Variants in BABAM2 observed in about 807,000 individuals in gnomAD.
The protein encoded by BABAM2 is BRISC and BRCA1-A complex member 2.
BABAM2 carries 31 observed loss-of-function variants against 54.7 expected under a neutral mutation model. The observed-to-expected ratio is 0.57, with a 90% CI of 0.43 to 0.77. BABAM2 has a LOEUF of 0.77. Among genes scored for constraint, BABAM2 ranks in the 30% least tolerant of loss-of-function variants. The pLI is 0.00. For synonymous variants in BABAM2, 167 were observed against 162.9 expected (o/e 1.03, Z -0.19); for missense variants, 364 against 455.8 (o/e 0.80, Z 1.83).
intron 3 of BABAM2, among the ~76,000 whole-genome samples, chr2:27,982,882 C>CATAT (rs1553405558): frequency 2.1e-5 from 3 of 146,328 alleles, no homozygotes; most frequent in African/African-American, 7.4e-5. Flanking sequence ...CACACACACA[C>CATAT]ATATATGTCA....
chr2:28,117,657 C>A (rs1489089887), intron 6 of BABAM2, among the ~76,000 whole-genome samples: 1 of 152,188 alleles, frequency 6.6e-6, no homozygotes, highest in African/African-American at 2.4e-5. Context: ...ACCATTTCTT[C>A]TGCATCTGCA....
At chr2:28,268,098 C>A (rs1369005159) in intron 10 of BABAM2, among the ~76,000 whole-genome samples, 1 of 152,084 alleles carries the variant, frequency 6.6e-6, no homozygotes, top group Non-Finnish European at 1.5e-5. Flanking sequence ...ATAAAGAGCT[C>A]AAAAACAAGC....
rs190806026 is a variant in BABAM2 at position 28,297,631 on chromosome 2, C to T, written c.935-707C>T. ...ACTATCACAGCAAACATATTTAGTGCTCAGAGTAGTACCTTATGCGTTCCA... is the reference window on the plus strand; with the variant it reads ...ACTATCACAGCAAACATATTTAGTGTTCAGAGTAGTACCTTATGCGTTCCA... On this transcript the variant is annotated intron_variant, in intron 10 of 11. Coordinates refer to ENST00000379624, the MANE Select transcript of BABAM2 (RefSeq NM_199191.3). Among the ~76,000 whole-genome samples, 6 of 152,284 alleles carry T rather than the reference C, an allele frequency of 3.9e-5. No homozygotes were observed. In the South Asian group the frequency reaches 6.2e-4, roughly 16 times the overall value.
intron 4 of BABAM2, among the ~76,000 whole-genome samples, chr2:28,011,232 G>A (rs928768055): frequency 3.3e-5 from 5 of 152,172 alleles, no homozygotes; most frequent in Admixed American, 1.3e-4. Context: ...ATATGGATCT[G>A]GGGATAAGAG....
intron 7 of BABAM2, among the ~76,000 whole-genome samples, chr2:28,229,581 C>T (rs538159384): frequency 1.4e-5 from 1 of 72,786 alleles, no homozygotes; most frequent in African/African-American, 4.6e-5. Flanking sequence ...AGTATGCCTT[C>T]TTTTTTTCTT....
intron 6 of BABAM2, among the ~76,000 whole-genome samples, chr2:28,068,721 C>T (rs1663848902): frequency 6.6e-6 from 1 of 152,080 alleles, no homozygotes; most frequent in African/African-American, 2.4e-5. Context: ...CTAAGAAAAC[C>T]TGCCAATGAA....
chr2:27,999,135 T>C (rs1452831614), intron 4 of BABAM2, among the ~76,000 whole-genome samples: 1 of 152,190 alleles, frequency 6.6e-6, no homozygotes, highest in East Asian at 1.9e-4. Flanking sequence ...TACTTGTCTT[T>C]AGTTTTCCTA....
rs922732999 is a variant in BABAM2 at position 28,338,502 on chromosome 2, G to A, written c.1141G>A (p.Gly381Arg). The A allele has an allele frequency of 6.8e-6, 11 of 1,614,132 alleles. No individual in the cohort carries two copies. Among genetic ancestry groups the A allele is most frequent in the Admixed American group, 1.7e-5 (1 of 60,028 alleles). The change falls in exon 12 of 12, where the codon GGA becomes AGA. Residue 381 changes from glycine (G) to arginine (R), a missense_variant. Coordinates refer to ENST00000379624, the MANE Select transcript of BABAM2 (RefSeq NM_199191.3). ...GTTCCAGGAGGCAGCATTTGCCAAT[G>A]GAAAGCTCTAGGAAACACCAGTCTT... Reference protein sequence around the residue: ...PQFQEAAFANGKL With the variant: ...PQFQEAAFANRKL
chr2:28,041,300 G>A (rs1677086473), intron 5 of BABAM2, among the ~76,000 whole-genome samples: 1 of 152,084 alleles, frequency 6.6e-6, no homozygotes, highest in Non-Finnish European at 1.5e-5. Flanking sequence ...AGGCAGAAAT[G>A]GTTATTTATT....
chr2:27,906,282 T>C (rs1464686159), intron 2 of BABAM2, among the ~76,000 whole-genome samples: 1 of 152,176 alleles, frequency 6.6e-6, no homozygotes. Context: ...TCAGGAAGTA[T>C]TCCTTGGGAT....
At chr2:27,953,277 C>A (rs533895044) in intron 3 of BABAM2, among the ~76,000 whole-genome samples, 8 of 152,214 alleles carry the variant, frequency 5.3e-5, no homozygotes, top group African/African-American at 1.9e-4. Flanking sequence ...AACTCCTGGG[C>A]TCAAGCAGAT....
At chr2:27,908,659 A>T (rs926608038) in intron 2 of BABAM2, among the ~76,000 whole-genome samples, 1 of 152,022 alleles carries the variant, frequency 6.6e-6, no homozygotes, top group Non-Finnish European at 1.5e-5. Flanking sequence ...GTTTAGGTCC[A>T]TGTCTACCCA....
intron 11 of BABAM2, among the ~76,000 whole-genome samples, chr2:28,324,612 A>G (rs75129087): frequency 0.027 from 4,152 of 151,106 alleles, 136 homozygotes; most frequent in African/African-American, 0.069. Flanking sequence ...GTAACATAGC[A>G]AGACCCCATC....
intron 2 of BABAM2, among the ~76,000 whole-genome samples, chr2:27,911,045 G>A (rs751457595): frequency 2.0e-5 from 3 of 152,078 alleles, no homozygotes; most frequent in Non-Finnish European, 4.4e-5. Flanking sequence ...CCTTTTGCTC[G>A]GTACTTCTCC....
intron 4 of BABAM2, among the ~76,000 whole-genome samples, chr2:28,012,366 A>T (rs1178520764): frequency 6.6e-6 from 1 of 152,232 alleles, no homozygotes; most frequent in East Asian, 1.9e-4. Flanking sequence ...AAATGGTGAC[A>T]TTCATTTTAG....
At chr2:28,116,115 C>CAA (rs943748521) in intron 6 of BABAM2, among the ~76,000 whole-genome samples, 1 of 123,632 alleles carries the variant, frequency 8.1e-6, no homozygotes, top group African/African-American at 3.0e-5. Context: ...AACTCCGTCT[C>CAA]AAAAAAAAAA....
intron 2 of BABAM2, among the ~76,000 whole-genome samples, chr2:27,905,444 G>A (rs185072932): frequency 3.5e-4 from 53 of 152,182 alleles, no homozygotes; most frequent in Admixed American, 9.8e-4. Context: ...CTCTTAAATG[G>A]GGATGGCATT....
At chr2:28,273,430 A>T (rs1458653371) in intron 10 of BABAM2, among the ~76,000 whole-genome samples, 2 of 152,180 alleles carry the variant, frequency 1.3e-5, no homozygotes, top group Non-Finnish European at 2.9e-5. Flanking sequence ...TTAATAAAAT[A>T]GCTTCAGGCC....
chr2:28,166,175 G>A (rs1311367206), intron 7 of BABAM2, among the ~76,000 whole-genome samples: 1 of 152,194 alleles, frequency 6.6e-6, no homozygotes, highest in Non-Finnish European at 1.5e-5. Flanking sequence ...ATCAATTTCT[G>A]TGTTGAGGCC....
Sources: allele counts gnomAD v4.1 joint callset (sites outside exome capture counted in the v4.1 genomes callset), GRCh38; gene constraint gnomAD v4.1.1; transcripts MANE v1.5; gene names NCBI Gene and HGNC (gene_info 2026-07-23, HGNC 2026-07-21).